The following HOOK3 variants were observed in gnomAD, a reference collection of about 807,000 sequenced individuals.
HOOK3 encodes protein Hook homolog 3.
A neutral mutation model predicts 116.3 loss-of-function variants in HOOK3; 24 were observed. The ratio of observed to expected loss-of-function variants is 0.21; its 90% CI spans 0.15 to 0.29. The LOEUF is 0.29. Among genes scored for constraint, HOOK3 ranks in the 10% least tolerant of loss-of-function variants. HOOK3 has a pLI of 1.00. For missense variants in HOOK3, 632 were observed against 830.2 expected, an observed-to-expected ratio of 0.76 and a Z score of 2.93; for synonymous variants, 275 against 283.0, an observed-to-expected ratio of 0.97 and a Z score of 0.28.
intron 13 of HOOK3, 66 bp downstream of exon 13, chr8:42,974,260 T>C: frequency 8.4e-7 from 1 of 1,194,620 alleles, no homozygotes; most frequent in Non-Finnish European, 1.2e-6. Context: ...GTTTCACTCT[T>C]ATTGCCCAGG....
At position 42,897,168 on chromosome 8, in the gene HOOK3, T is replaced by C; in HGVS notation, c.37T>C (p.Cys13Arg). 2 of 1,246,956 alleles carry C rather than the reference T, an allele frequency of 1.6e-6. No homozygotes were observed. Among genetic ancestry groups the C allele is most frequent in the Non-Finnish European group, 2.0e-6 (2 of 991,052 alleles). The allele number at this position is 1,246,956 out of a possible 1,614,324, so 77.2% of individuals were successfully genotyped here. A position where few individuals can be genotyped will look rare whatever the true frequency, so the allele number is the denominator to read the frequency against. ...SVESLERAEL[C>R]ESLLTWIQTF... ...AGAGTCGCTGGAGCGGGCGGAGCTG[T>C]GCGAGAGCCTCCTCACTTGGGTACG... Residue 13 changes from cysteine to arginine, a missense_variant, in exon 1 of 22, where the codon TGC becomes CGC. Coordinates refer to ENST00000307602, the MANE Select transcript of HOOK3 (RefSeq NM_032410.4).
At chr8:42,965,403 G>A (rs1009626714) in intron 9 of HOOK3, among the ~76,000 whole-genome samples, 1 of 152,056 alleles carries the variant, frequency 6.6e-6, no homozygotes, top group Non-Finnish European at 1.5e-5. Context: ...AAGGACAGGC[G>A]AGATTTAAAG....
chr8:42,935,370 G>T (rs1249618435), intron 4 of HOOK3, among the ~76,000 whole-genome samples: 5 of 151,936 alleles, frequency 3.3e-5, no homozygotes, highest in African/African-American at 1.2e-4. Context: ...AGTTTCTTTT[G>T]CTGTGCAGAG....
intron 17 of HOOK3, among the ~76,000 whole-genome samples, chr8:43,006,873 T>A (rs958837976): frequency 6.6e-6 from 1 of 152,058 alleles, no homozygotes; most frequent in Non-Finnish European, 1.5e-5. Flanking sequence ...CCTAGTTATG[T>A]TACATAGTGC....
rs1807415349 is a variant in HOOK3, at chr8:42,910,946, G to A, written c.143+4688G>A. Among the ~76,000 whole-genome samples the A allele has an allele frequency of 2.0e-5, 3 of 152,184 alleles. No individual in the cohort carries two copies. The South Asian group carries it at 6.2e-4, about 31-fold the overall frequency. On this transcript the variant is annotated intron_variant, in intron 2 of 21. Transcript: ENST00000307602. ...TTAGGAGGTCATGAACATTTTACCT[G>A]ACAAAGTAAAGGTAATTTAAATCTA...
intron 8 of HOOK3, among the ~76,000 whole-genome samples, chr8:42,960,747 G>A (rs1245529234): frequency 6.6e-6 from 1 of 152,146 alleles, no homozygotes; most frequent in East Asian, 1.9e-4. Context: ...GATGCATCAG[G>A]CACTGAAGTA....
chr8:42,997,445 G>A, intron 15 of HOOK3, 105 bp from the exon 16 acceptor site: 1 of 664,198 alleles, frequency 1.5e-6, no homozygotes, highest in Non-Finnish European at 2.6e-6. Flanking sequence ...GCTATAACAT[G>A]AGACTTGATT....
chr8:42,986,149 T>C (rs1809045990), intron 14 of HOOK3, among the ~76,000 whole-genome samples: 1 of 152,236 alleles, frequency 6.6e-6, no homozygotes, highest in African/African-American at 2.4e-5. Flanking sequence ...TTTTGGCTTA[T>C]ACAGAGTCCA....
chr8:42,924,273 A>G (rs746618603), intron 2 of HOOK3, among the ~76,000 whole-genome samples: 3 of 152,088 alleles, frequency 2.0e-5, no homozygotes, highest in Non-Finnish European at 2.9e-5. Context: ...CAAAACCTGT[A>G]AAATGGGGCT....
At chr8:42,906,375 G>T (rs1192841520) in intron 2 of HOOK3, 117 bp downstream of exon 2, 3 of 709,310 alleles carry the variant, frequency 4.2e-6, no homozygotes, top group Non-Finnish European at 4.9e-6. Flanking sequence ...GTTGTAGGCG[G>T]CAGCAGCACT....
chr8:42,954,780 G>A (rs1445733800), intron 6 of HOOK3, among the ~76,000 whole-genome samples: 1 of 152,332 alleles, frequency 6.6e-6, no homozygotes, highest in African/African-American at 2.4e-5. Context: ...TGGAAGAGAT[G>A]GAGTTGAAAG....
rs140262265 is a variant in HOOK3 at position 42,913,294 on chromosome 8, C to T, written c.143+7036C>T. Among the ~76,000 whole-genome samples, 185 of 152,324 alleles carry T rather than the reference C, an allele frequency of 1.2e-3. 2 individuals are homozygous for T. The highest frequency in any genetic ancestry group is 4.3e-3 in the African/African-American group (178 of 41,566). ...TTGTAACCCCTTCTTTCCTGCTACC[C>T]TCTTTCCCATCCCCAAGCAAACACT... On this transcript the variant is annotated intron_variant, in intron 2 of 21. Coordinates refer to ENST00000307602, the MANE Select transcript of HOOK3 (RefSeq NM_032410.4).
chr8:42,915,737 G>T (rs910906322), intron 2 of HOOK3, among the ~76,000 whole-genome samples: 1 of 152,124 alleles, frequency 6.6e-6, no homozygotes, highest in African/African-American at 2.4e-5. Context: ...TGGCCATATA[G>T]TGTTAATTTT....
chr8:42,952,239 G>A (rs1808357711), intron 6 of HOOK3, among the ~76,000 whole-genome samples: 2 of 152,338 alleles, frequency 1.3e-5, no homozygotes, highest in South Asian at 4.1e-4. Context: ...AGTCAGGAAT[G>A]ATAACAGCTT....
intron 21 of HOOK3, among the ~76,000 whole-genome samples, chr8:43,016,102 C>T (rs1043596009): frequency 7.0e-6 from 1 of 143,744 alleles, no homozygotes; most frequent in African/African-American, 2.6e-5. Context: ...TGAAGTGGTA[C>T]TAAAGAATAG....
chr8:43,014,098 C>T (rs1263342058), intron 21 of HOOK3, among the ~76,000 whole-genome samples: 1 of 151,896 alleles, frequency 6.6e-6, no homozygotes, highest in African/African-American at 2.4e-5. Flanking sequence ...CCAGCCTGGA[C>T]AACGTGGTGA....
chr8:42,911,809 T>C (rs1044263807), intron 2 of HOOK3, among the ~76,000 whole-genome samples: 4 of 152,076 alleles, frequency 2.6e-5, no homozygotes, highest in Admixed American at 2.6e-4. Context: ...ACCACTGATA[T>C]TGGAACACTG....
intron 6 of HOOK3, among the ~76,000 whole-genome samples, chr8:42,952,009 T>C (rs914011958): frequency 6.6e-6 from 1 of 152,138 alleles, no homozygotes; most frequent in Admixed American, 6.5e-5. Context: ...GATGAAATTG[T>C]GCTTAAAAAA....
At chr8:43,000,472 A>G (rs1586628727) in intron 16 of HOOK3, among the ~76,000 whole-genome samples, 1 of 152,194 alleles carries the variant, frequency 6.6e-6, no homozygotes, top group Non-Finnish European at 1.5e-5. Context: ...GTCAGCCAAC[A>G]AGAAGTCTGC....
Sources: gnomAD v4.1 joint callset for allele counts (sites outside exome capture counted in the v4.1 genomes callset) on GRCh38, gnomAD v4.1.1 for gene constraint, MANE v1.5 for transcripts, NCBI Gene and HGNC (gene_info 2026-07-23, HGNC 2026-07-21) for gene names.